Variants in TENM2 observed in about 807,000 individuals in gnomAD.
TENM2 encodes the protein teneurin transmembrane protein 2.
TENM2 carries 52 observed loss-of-function variants against 245.2 expected under a neutral mutation model. That is an observed-to-expected ratio of 0.21 (90% CI 0.17 to 0.27). The LOEUF is 0.27. Ranked by LOEUF, TENM2 falls within the 10% of genes least tolerant of loss-of-function variation. The pLI, the probability that TENM2 is intolerant of heterozygous loss-of-function variation, is 1.00. For synonymous variants in TENM2, 1,363 were observed against 1,438.9 expected, an observed-to-expected ratio of 0.95 and a Z score of 1.19; for missense variants, 3,046 against 3,666.8, an observed-to-expected ratio of 0.83 and a Z score of 4.37.
chr5:167,871,323 G>A (rs1325901804), intron 2 of TENM2, among the ~76,000 whole-genome samples: 1 of 152,006 alleles, frequency 6.6e-6, no homozygotes, highest in African/African-American at 2.4e-5. Flanking sequence ...CCAAATCCAG[G>A]GCTTCCTCAC....
chr5:167,496,633 A>G (rs899885788), intron 2 of TENM2, among the ~76,000 whole-genome samples: 5 of 152,156 alleles, frequency 3.3e-5, no homozygotes, highest in African/African-American at 1.2e-4. Flanking sequence ...GCTTTCTGAT[A>G]GAATTCAATT....
chr5:167,226,513 A>G, the TENM2 span, among the ~76,000 whole-genome samples: 1 of 151,988 alleles, frequency 6.6e-6, no homozygotes, highest in Non-Finnish European at 1.5e-5. Flanking sequence ...GATACTTGAT[A>G]TGTCAAGTAC....
At chr5:168,135,109 T>C (rs1754931451) in intron 12 of TENM2, among the ~76,000 whole-genome samples, 1 of 152,214 alleles carries the variant, frequency 6.6e-6, no homozygotes, top group Non-Finnish European at 1.5e-5. Flanking sequence ...ACGCATGCCT[T>C]CTGGAAAATC....
chr5:167,586,871 A>T lies in TENM2; in HGVS notation c.502+211398A>T, dbSNP rs546314818. On this transcript the variant is annotated intron_variant, in intron 2 of 28. Transcript: ENST00000518659. ...TCACAAAAATATCTAAGTTGTTGAA[A>T]AAATAGACCTTTGACTTTTAACTTG... Among the ~76,000 whole-genome samples, 28 of 152,322 alleles carry T rather than the reference A, an allele frequency of 1.8e-4. No individual in the cohort carries two copies. The East Asian group carries it at 5.4e-3, about 29-fold the overall frequency.
intron 3 of TENM2, among the ~76,000 whole-genome samples, chr5:167,936,880 C>T (rs1778762443): frequency 6.6e-6 from 1 of 152,196 alleles, no homozygotes; most frequent in African/African-American, 2.4e-5. Context: ...TTGAGGATGT[C>T]ATCTAAATGA....
chr5:167,091,703 A>C, the TENM2 span, among the ~76,000 whole-genome samples: 1 of 152,200 alleles, frequency 6.6e-6, no homozygotes, highest in Non-Finnish European at 1.5e-5. Flanking sequence ...ATCTTTAAAA[A>C]ATTACAGTTT....
the TENM2 span, among the ~76,000 whole-genome samples, chr5:167,120,759 A>G: frequency 6.6e-6 from 1 of 152,222 alleles, no homozygotes; most frequent in African/African-American, 2.4e-5. Flanking sequence ...CATCTAATGA[A>G]GTGGAAGCAG....
chr5:167,147,982 T>G, the TENM2 span, among the ~76,000 whole-genome samples: 1 of 152,130 alleles, frequency 6.6e-6, no homozygotes, highest in Non-Finnish European at 1.5e-5. Flanking sequence ...TGAGGATGTA[T>G]GAAAATGACT....
chr5:167,839,575 A>G lies in TENM2; in HGVS notation c.503-36411A>G, dbSNP rs545714506. ...TGTCTGTGTGTGTGTGTGTGTGTGT[A>G]TGTATGTATGTGTTTAAAGAATGGA... On this transcript the variant is annotated intron_variant, in intron 2 of 28. Transcript: ENST00000518659. Among the ~76,000 whole-genome samples, 14 of 150,670 alleles carry G rather than the reference A, an allele frequency of 9.3e-5. No homozygotes were observed. In the South Asian group the frequency reaches 1.5e-3, roughly 16 times the overall value.
chr5:168,110,849 T>C (rs896079149), intron 9 of TENM2, among the ~76,000 whole-genome samples: 3 of 152,214 alleles, frequency 2.0e-5, no homozygotes, highest in African/African-American at 7.2e-5. Context: ...TACTTATCGA[T>C]TGAGAACTTT....
At chr5:167,110,302 A>C in the TENM2 span, among the ~76,000 whole-genome samples, 8 of 152,196 alleles carry the variant, frequency 5.3e-5, no homozygotes, top group Non-Finnish European at 1.0e-4. Flanking sequence ...CTGGGGGATG[A>C]CAATGTACAA....
intron 2 of TENM2, among the ~76,000 whole-genome samples, chr5:167,382,999 G>C (rs1418344223): frequency 6.6e-6 from 1 of 152,050 alleles, no homozygotes; most frequent in Non-Finnish European, 1.5e-5. Flanking sequence ...CTCAGATGAA[G>C]AGTTGTGTTA....
At chr5:167,935,779 C>G (rs1778658880) in intron 3 of TENM2, among the ~76,000 whole-genome samples, 1 of 152,128 alleles carries the variant, frequency 6.6e-6, no homozygotes, top group South Asian at 2.1e-4. Context: ...TTAGATGTCT[C>G]CGTAAGTTGC....
chr5:167,098,283 A>G, the TENM2 span, among the ~76,000 whole-genome samples: 2 of 152,240 alleles, frequency 1.3e-5, no homozygotes, highest in Non-Finnish European at 2.9e-5. Flanking sequence ...TAACAGGAGA[A>G]TGGTTATAAT....
intron 2 of TENM2, among the ~76,000 whole-genome samples, chr5:167,822,717 C>A (rs1767634027): frequency 6.6e-6 from 1 of 151,842 alleles, no homozygotes; most frequent in Non-Finnish European, 1.5e-5. Flanking sequence ...GAAGGAGAAG[C>A]AAAGAAGCAA....
intron 2 of TENM2, among the ~76,000 whole-genome samples, chr5:167,385,856 A>ATGTATG (rs1319161569): frequency 3.8e-4 from 53 of 139,148 alleles, no homozygotes; most frequent in African/African-American, 1.4e-3. Context: ...TTATATATAT[A>ATGTATG]TGTGTGTGTG....
intron 2 of TENM2, among the ~76,000 whole-genome samples, chr5:167,542,089 G>A (rs1020091938): frequency 3.3e-5 from 5 of 152,110 alleles, no homozygotes; most frequent in Admixed American, 1.3e-4. Flanking sequence ...GGCCAGACAT[G>A]GGGAATGACC....
At chr5:167,771,934 T>G (rs999459113) in intron 2 of TENM2, among the ~76,000 whole-genome samples, 1 of 152,216 alleles carries the variant, frequency 6.6e-6, no homozygotes, top group Non-Finnish European at 1.5e-5. Context: ...ACTACGTATC[T>G]GAATGCCCTA....
At chr5:167,043,750 G>A in the TENM2 span, among the ~76,000 whole-genome samples, 36 of 152,264 alleles carry the variant, frequency 2.4e-4, 2 homozygotes, top group East Asian at 4.1e-3. Context: ...GGTGGCTCAC[G>A]CCTGTAATCC....
Sources: gnomAD v4.1 joint callset for allele counts (sites outside exome capture counted in the v4.1 genomes callset) on GRCh38, gnomAD v4.1.1 for gene constraint, MANE v1.5 for transcripts, NCBI Gene and HGNC (gene_info 2026-07-23, HGNC 2026-07-21) for gene names.